The following MGAT5 variants were observed in gnomAD, a reference collection of about 807,000 sequenced individuals.
MGAT5 encodes the protein alpha-1,6-mannosylglycoprotein 6-beta-N-acetylglucosaminyltransferase, also known as alpha-1,6-mannosylglycoprotein 6-beta-N-acetylglucosaminyltransferase A.
In MGAT5, 30 loss-of-function variants were observed where a neutral mutation model predicts 94.3. The observed-to-expected ratio is 0.32, with a 90% confidence interval of 0.24 to 0.43. The LOEUF (loss-of-function observed/expected upper bound fraction) is 0.43. Ranked by LOEUF, MGAT5 falls within the 20% of genes least tolerant of loss-of-function variation. The pLI is 1.00. For missense variants in MGAT5, 691 were observed against 905.5 expected, an observed-to-expected ratio of 0.76 and a Z score of 3.04; for synonymous variants, 310 against 322.9, an observed-to-expected ratio of 0.96 and a Z score of 0.43.
At chr2:134,297,932 A>C (rs1412010622) in intron 2 of MGAT5, among the ~76,000 whole-genome samples, 1 of 152,084 alleles carries the variant, frequency 6.6e-6, no homozygotes, top group Admixed American at 6.6e-5. Context: ...GAGGAAAACA[A>C]ATATAGGTTA....
chr2:134,129,818 C>T (rs1168267816), intron 1 of MGAT5, among the ~76,000 whole-genome samples: 4 of 152,304 alleles, frequency 2.6e-5, no homozygotes, highest in South Asian at 2.1e-4. Context: ...AGCACCTCCT[C>T]GGCCTCAGCG....
upstream of MGAT5, chr2:134,253,122 C>T (rs1374795254): frequency 1.3e-5 from 2 of 152,092 alleles, no homozygotes; most frequent in African/African-American, 2.4e-5. Context: ...AGAGGCAGAC[C>T]AACAGTGATC....
rs994220545 is a variant in MGAT5, at chr2:134,452,303, C to G, written c.*3456C>G. ...CCAACGTGTCAACCAGCCTGTGTTC[C>G]CTGCCACCCACGCACTTGCTGAGGT... On this transcript the variant is annotated 3_prime_UTR_variant, in exon 16 of 16. Coordinates refer to ENST00000281923, the MANE Select transcript of MGAT5 (RefSeq NM_002410.5). 1 of 152,160 alleles carries G rather than the reference C, an allele frequency of 6.6e-6. No individual in the cohort carries two copies. The highest frequency in any genetic ancestry group is 1.5e-5 in the Non-Finnish European group (1 of 68,036). The allele number at this position is 152,160 out of a possible 1,614,324, so 9.4% of individuals were successfully genotyped here.
chr2:134,348,484 C>T (rs958712293), intron 8 of MGAT5, among the ~76,000 whole-genome samples: 1 of 152,170 alleles, frequency 6.6e-6, no homozygotes, highest in Admixed American at 6.5e-5. Context: ...AACTAGCACA[C>T]AGAAATGAAA....
chr2:134,334,532 G>C (rs369589596), intron 4 of MGAT5, among the ~76,000 whole-genome samples: 52 of 125,670 alleles, frequency 4.1e-4, no homozygotes, highest in African/African-American at 1.7e-3. Flanking sequence ...AGGGTTGGGG[G>C]TGGGATGGGG....
At position 134,264,018 on chromosome 2, in the gene MGAT5, T is replaced by TTTTG. The variant is rs774425652; in HGVS notation, c.242-6365_242-6364insGTTT. Among the ~76,000 whole-genome samples, 537 of 101,356 alleles carry TTTTG rather than the reference T, an allele frequency of 5.3e-3. 13 individuals are homozygous for TTTTG. The highest frequency in any genetic ancestry group is 0.023 in the African/African-American group (396 of 17,006). 66.5% of individuals were successfully genotyped at this position (101,356 alleles called of 152,430 possible). A position where few individuals can be genotyped will look rare whatever the true frequency, so the allele number is the denominator to read the frequency against. ...TACTGCATTTCCTTATGCCATTAGG[T>TTTTG]TTTTTTTTTTTTTTTTTTTTTGAGA... is the stretch of plus-strand genomic sequence containing the variant. On this transcript the variant is annotated intron_variant, in intron 1 of 15. Coordinates refer to ENST00000281923, the MANE Select transcript of MGAT5 (RefSeq NM_002410.5).
At chr2:134,378,865 C>T (rs1361033361) in intron 10 of MGAT5, among the ~76,000 whole-genome samples, 1 of 152,194 alleles carries the variant, frequency 6.6e-6, no homozygotes, top group Non-Finnish European at 1.5e-5. Context: ...ATGCACCTGC[C>T]TCAGTTTCCC....
upstream of MGAT5, chr2:134,120,001 A>T (rs941390039): frequency 1.3e-5 from 2 of 152,346 alleles, no homozygotes; most frequent in African/African-American, 4.8e-5. Flanking sequence ...CCAGAAATTG[A>T]GGACGGACTC....
chr2:134,289,737 C>G (rs1685232506), intron 2 of MGAT5, among the ~76,000 whole-genome samples: 2 of 152,166 alleles, frequency 1.3e-5, no homozygotes, highest in Admixed American at 6.5e-5. Context: ...ATGTTAGGTA[C>G]AGTGACCAAC....
intron 14 of MGAT5, 91 bp downstream of exon 14, chr2:134,428,530 T>C: frequency 8.5e-7 from 1 of 1,170,816 alleles, no homozygotes; most frequent in Non-Finnish European, 1.3e-6. Flanking sequence ...GCTCACTGTG[T>C]TTCTGTGGCT....
At chr2:134,418,237 A>G (rs1684085523) in intron 12 of MGAT5, among the ~76,000 whole-genome samples, 1 of 152,156 alleles carries the variant, frequency 6.6e-6, no homozygotes, top group Non-Finnish European at 1.5e-5. Flanking sequence ...TTTGTAATTT[A>G]CTTTTTGCTG....
chr2:134,281,742 G>C (rs765379931), intron 2 of MGAT5, among the ~76,000 whole-genome samples: 1 of 152,142 alleles, frequency 6.6e-6, no homozygotes, highest in African/African-American at 2.4e-5. Context: ...CTCCTGTGCG[G>C]GAGTGCTCAG....
rs529871207 is a variant in MGAT5 at position 134,141,207 on chromosome 2, C to T, written c.-143+20916C>T. 9.2e-5 allele frequency among the ~76,000 whole-genome samples: 14 copies of T among 152,224 alleles called. No homozygotes were observed. In the South Asian group the frequency reaches 2.3e-3, roughly 25 times the overall value. On this transcript the variant is annotated intron_variant, in intron 1 of 16. Coordinates refer to the MGAT5 transcript ENST00000409645. ...CAGCAAGAAGACCCTCACCAGATGC[C>T]AAGCACCACACTCTTAGATTTCTCA...
At chr2:134,348,241 A>T (rs1209286216) in intron 8 of MGAT5, among the ~76,000 whole-genome samples, 1 of 152,216 alleles carries the variant, frequency 6.6e-6, no homozygotes, top group African/African-American at 2.4e-5. Context: ...TTTTTTCGGG[A>T]CTGTGGGCTT....
Position 134,421,777 on chromosome 2 carries a change from C to A in MGAT5, c.1678-1026C>A, listed in dbSNP as rs550526360. ...AGTTATTATGGTAGCTGAAAATGCT[C>A]TCACACGTGGCTAGAATGCTCCCTT... is the stretch of plus-strand genomic sequence containing the variant. On this transcript the variant is annotated intron_variant, in intron 12 of 15. Coordinates refer to ENST00000281923, the MANE Select transcript of MGAT5 (RefSeq NM_002410.5). 3.9e-5 allele frequency among the ~76,000 whole-genome samples: 6 copies of A among 152,204 alleles called. No homozygotes were observed. The South Asian group carries it at 1.2e-3, about 32-fold the overall frequency.
At chr2:134,387,340 T>A (rs1298277609) in intron 10 of MGAT5, among the ~76,000 whole-genome samples, 41 of 87,290 alleles carry the variant, frequency 4.7e-4, no homozygotes, top group Non-Finnish European at 5.7e-4. Flanking sequence ...ATATTTTTTT[T>A]TTTTTTTTTT....
rs61268974 is a variant in MGAT5 at position 134,169,387 on chromosome 2, T to TACACAC, written c.-143+49116_-143+49121dup. 2.6e-3 allele frequency among the ~76,000 whole-genome samples: 355 copies of TACACAC among 138,760 alleles called. 3 individuals are homozygous for TACACAC. In the Middle Eastern group the frequency reaches 0.04, roughly 16 times the overall value. 91.0% of individuals were successfully genotyped at this position (138,760 alleles called of 152,430 possible). ...AAACCTCATCTCCATAATTTAAAAATACACACACACACACACACACACACA... is the reference window on the plus strand; with the variant it reads ...AAACCTCATCTCCATAATTTAAAAATACACACACACACACACACACACACACACACA... On this transcript the variant is annotated intron_variant, in intron 1 of 16. Coordinates refer to the MGAT5 transcript ENST00000409645.
rs140544575 is a variant in MGAT5, at chr2:134,381,900, T to C, written c.1380+19492T>C. On this transcript the variant is annotated intron_variant, in intron 10 of 15. Coordinates refer to ENST00000281923, the MANE Select transcript of MGAT5 (RefSeq NM_002410.5). ...CTTAAGCATGAACATAGGTTTTTTA[T>C]GGTAAAAATACATTTGAAATGTATA... Among the ~76,000 whole-genome samples, 206 of 152,336 alleles carry C rather than the reference T, an allele frequency of 1.4e-3. 2 individuals carry two copies. Among genetic ancestry groups the C allele is most frequent in the East Asian group, 9.2e-3 (48 of 5,192 alleles).
chr2:134,297,855 A>G (rs1015262783), intron 2 of MGAT5, among the ~76,000 whole-genome samples: 2 of 152,100 alleles, frequency 1.3e-5, no homozygotes, highest in Non-Finnish European at 2.9e-5. Context: ...AGTGATGGGT[A>G]GAAGGGATTT....
Sources: allele counts gnomAD v4.1 joint callset (sites outside exome capture counted in the v4.1 genomes callset), GRCh38; gene constraint gnomAD v4.1.1; transcripts MANE v1.5; gene names NCBI Gene and HGNC (gene_info 2026-07-23, HGNC 2026-07-21).